The following MYOM1 variants were observed in gnomAD, a reference collection of about 807,000 sequenced individuals.
MYOM1 encodes myomesin 1, also known as myomesin-1.
A neutral mutation model predicts 205.3 loss-of-function variants in MYOM1; 164 were observed. The ratio of observed to expected loss-of-function variants is 0.80; its 90% CI spans 0.70 to 0.91. The LOEUF (loss-of-function observed/expected upper bound fraction) is 0.91, where lower values mean the gene tolerates loss of function less well. Ranked by LOEUF, MYOM1 falls within the 40% of genes least tolerant of loss-of-function variation. The pLI is 0.00. For missense variants in MYOM1, 2,011 were observed against 2,127.3 expected (o/e 0.95, Z 1.08); for synonymous variants, 772 against 789.4 (o/e 0.98, Z 0.37).
chr18:3,165,704 G>C lies in MYOM1; in HGVS notation c.1340-1265C>G, dbSNP rs115761949. Among the ~76,000 whole-genome samples, 920 of 152,246 alleles carry C rather than the reference G, an allele frequency of 6.0e-3. 4 individuals are homozygous for C. Among genetic ancestry groups the C allele is most frequent in the Middle Eastern group, 0.024 (7 of 294 alleles). On this transcript the variant is annotated intron_variant, in intron 9 of 37. Transcript: ENST00000356443. ...ATGCTCAGGCCAGGAGTTAATATTT[G>C]TGCAGATCCCACAGAGCTGAGTTCT...
chr18:3,189,950 G>C lies in MYOM1; in HGVS notation c.432-863C>G, dbSNP rs1285662238. Among the ~76,000 whole-genome samples the C allele has an allele frequency of 6.6e-6, 1 of 152,130 alleles. No individual in the cohort carries two copies. The highest frequency in any genetic ancestry group is 2.4e-5 in the African/African-American group (1 of 41,412). On this transcript the variant is annotated intron_variant, in intron 3 of 37. Transcript: ENST00000356443. This position sits in a 1 kb window ranked among gnomAD's most constrained non-coding sequence, Gnocchi z 4.8. Reference sequence around the variant, plus strand: ...TGAATAAGTTCTGAATTTACATGAGGTTCCTTATGCCTACTGGGTTTCTTT... The same window carrying C: ...TGAATAAGTTCTGAATTTACATGAGCTTCCTTATGCCTACTGGGTTTCTTT...
At chr18:3,220,640 T>C (rs1938737711), upstream of MYOM1, among the ~76,000 whole-genome samples, 1 of 152,234 alleles carries the variant, frequency 6.6e-6, no homozygotes, top group Admixed American at 6.5e-5. Flanking sequence ...AGAGGAGGTG[T>C]AACCCGGTTG....
intron 12 of MYOM1, among the ~76,000 whole-genome samples, chr18:3,151,368 T>C (rs1259261121): frequency 6.6e-6 from 1 of 151,820 alleles, no homozygotes; most frequent in Non-Finnish European, 1.5e-5. Flanking sequence ...CCAGCCTCTT[T>C]GCTTTTATAC....
chr18:3,164,880 T>C (rs180928634), intron 9 of MYOM1, among the ~76,000 whole-genome samples: 4 of 152,350 alleles, frequency 2.6e-5, no homozygotes, highest in Admixed American at 1.3e-4. Context: ...AATAAGATAT[T>C]GCTGTCTGCT....
At chr18:3,130,710 C>T (rs1382175390) in intron 17 of MYOM1, among the ~76,000 whole-genome samples, 2 of 152,166 alleles carry the variant, frequency 1.3e-5, no homozygotes, top group Non-Finnish European at 2.9e-5. Context: ...CCTGCCTCTC[C>T]CTCCCAAAGT....
chr18:3,079,897 G>C (rs1380182012), intron 33 of MYOM1, among the ~76,000 whole-genome samples: 1 of 152,128 alleles, frequency 6.6e-6, no homozygotes, highest in African/African-American at 2.4e-5. Flanking sequence ...CCGCCAACAC[G>C]AATGAGGCAT....
At chr18:3,077,466 C>A (rs4613146) in intron 34 of MYOM1, among the ~76,000 whole-genome samples, 125,600 of 152,138 alleles carry the variant, frequency 0.83, 51,986 homozygotes, top group Middle Eastern at 0.89. Flanking sequence ...GCTAGGCTTA[C>A]AGTTGCTAGT....
the MYOM1 span, chr18:3,246,688 G>C: frequency 6.6e-6 from 1 of 152,236 alleles, no homozygotes; most frequent in Non-Finnish European, 1.5e-5. Context: ...TTCAAGTGGC[G>C]GCCTGCTTTG....
At chr18:3,080,899 C>T (rs897418769) in intron 33 of MYOM1, among the ~76,000 whole-genome samples, 2 of 151,698 alleles carry the variant, frequency 1.3e-5, no homozygotes, top group African/African-American at 4.8e-5. Context: ...TTTGGGAGGC[C>T]GAGGCAGGTG....
At chr18:3,143,833 C>A (rs921398604) in intron 13 of MYOM1, among the ~76,000 whole-genome samples, 1 of 136,292 alleles carries the variant, frequency 7.3e-6, no homozygotes, top group African/African-American at 2.8e-5. Context: ...CCCAAGAGGT[C>A]GAGGCTGCAG....
intron 2 of MYOM1, among the ~76,000 whole-genome samples, chr18:3,201,809 A>G (rs1314519322): frequency 6.6e-6 from 1 of 151,862 alleles, no homozygotes; most frequent in East Asian, 1.9e-4. Flanking sequence ...ATGCCCAGCT[A>G]ATTTCTGTAT....
chr18:3,198,944 C>T (rs775734846), intron 2 of MYOM1, among the ~76,000 whole-genome samples: 50 of 152,100 alleles, frequency 3.3e-4, no homozygotes, highest in Non-Finnish European at 5.4e-4. Context: ...TTCCTCAGTT[C>T]CTCTCCCCAA....
intron 34 of MYOM1, among the ~76,000 whole-genome samples, chr18:3,076,930 T>G (rs1202915367): frequency 6.6e-6 from 1 of 151,928 alleles, no homozygotes; most frequent in African/African-American, 2.4e-5. Flanking sequence ...GCCAGGATGG[T>G]CTCGATCTCC....
intron 34 of MYOM1, among the ~76,000 whole-genome samples, chr18:3,076,470 C>T (rs1230768823): frequency 6.6e-6 from 1 of 152,140 alleles, no homozygotes; most frequent in Non-Finnish European, 1.5e-5. Flanking sequence ...TCCCAGACAT[C>T]AGAGCCTCCT....
At chr18:3,201,256 G>A (rs1219497431) in intron 2 of MYOM1, among the ~76,000 whole-genome samples, 3 of 151,850 alleles carry the variant, frequency 2.0e-5, no homozygotes, top group African/African-American at 4.8e-5. Flanking sequence ...AAAATTAGCC[G>A]GGCATGGTGG....
intron 16 of MYOM1, 84 bp downstream of exon 16, chr18:3,134,566 C>T: frequency 2.9e-6 from 4 of 1,400,314 alleles, no homozygotes; most frequent in Non-Finnish European, 3.8e-6. Flanking sequence ...TTAAAAAAAT[C>T]TCCTCCATTG....
intron 2 of MYOM1, among the ~76,000 whole-genome samples, chr18:3,198,154 G>A (rs2081017158): frequency 6.6e-6 from 1 of 152,168 alleles, no homozygotes; most frequent in African/African-American, 2.4e-5. Flanking sequence ...ATAATTTGGG[G>A]AAATTTTTCC....
At chr18:3,205,652 C>G (rs564574114) in intron 2 of MYOM1, among the ~76,000 whole-genome samples, 2 of 152,304 alleles carry the variant, frequency 1.3e-5, no homozygotes, top group Admixed American at 1.3e-4. Context: ...TGGAAAACCA[C>G]TGGGTAGTTT....
chr18:3,078,483 G>A (rs189932766), intron 34 of MYOM1, among the ~76,000 whole-genome samples: 1 of 151,868 alleles, frequency 6.6e-6, no homozygotes, highest in Admixed American at 6.6e-5. Flanking sequence ...AGGCTGGAGT[G>A]CAGTAGTGTG....
Sources: allele counts gnomAD v4.1 joint callset (sites outside exome capture counted in the v4.1 genomes callset), GRCh38; gene constraint gnomAD v4.1.1; non-coding constraint Gnocchi (gnomAD v3.1); transcripts MANE v1.5; gene names NCBI Gene and HGNC (gene_info 2026-07-23, HGNC 2026-07-21).